The following ADCY10 variants were observed in gnomAD, a reference collection of about 807,000 sequenced individuals.
ADCY10 encodes the protein adenylate cyclase 10.
ADCY10 carries 156 observed loss-of-function variants against 183.3 expected under a neutral mutation model. The ratio of observed to expected loss-of-function variants is 0.85; its 90% CI spans 0.75 to 0.97. The LOEUF (loss-of-function observed/expected upper bound fraction) is 0.97. ADCY10 is among the 50% of genes least tolerant of loss of function. The probability of loss-of-function intolerance (pLI) is 0.00; values close to 1 mark genes in which losing one functional copy is unlikely to be tolerated. For synonymous variants in ADCY10, 645 were observed against 670.0 expected, an observed-to-expected ratio of 0.96 and a Z score of 0.58; for missense variants, 1,745 against 1,934.3, an observed-to-expected ratio of 0.90 and a Z score of 1.84.
chr1:167,907,302 G>A (rs1358401391), intron 1 of ADCY10, among the ~76,000 whole-genome samples: 2 of 152,198 alleles, frequency 1.3e-5, no homozygotes, highest in African/African-American at 4.8e-5. Context: ...TACAGGTTAT[G>A]TTTCATTATC....
chr1:167,841,502 C>CTTTTTTTTTTTTTTTTTTTTT (rs71100905), intron 21 of ADCY10, among the ~76,000 whole-genome samples: 1 of 90,902 alleles, frequency 1.1e-5, no homozygotes, highest in Non-Finnish European at 1.9e-5. Flanking sequence ...ATATGCTTTC[C>CTTTTTTTTTTTTTTTTTTTTT]TTTTTTTTTT....
chr1:167,856,325 A>G lies in ADCY10; in HGVS notation c.2011T>C (p.Ser671Pro). 1 of 1,614,150 alleles carries G rather than the reference A, an allele frequency of 6.2e-7. No homozygotes were observed. Among genetic ancestry groups the G allele is most frequent in the Non-Finnish European group, 8.5e-7 (1 of 1,180,030 alleles). ...GGAATGTTAACGAAGGGACACAGGG[A>G]CATAATGATGAAGATAGGAAGAGTC... ...IRTLPIFIIMSLCPFVNIPCA... is the reference protein window; with the variant it reads ...IRTLPIFIIMPLCPFVNIPCA... The change falls in exon 17 of 33, where the codon TCC becomes CCC. Residue 671 changes from serine (S) to proline (P), a missense_variant. Physicochemically the swap from Ser to Pro is moderately conservative, Grantham distance 74 (BLOSUM62 -1). Coordinates refer to ENST00000367851, the MANE Select transcript of ADCY10 (RefSeq NM_018417.6).
chr1:167,851,172 C>A (rs1665450751), intron 18 of ADCY10, among the ~76,000 whole-genome samples: 1 of 151,938 alleles, frequency 6.6e-6, no homozygotes, highest in African/African-American at 2.4e-5. Flanking sequence ...AATATTGACA[C>A]TCTTTTGTTT....
At chr1:167,878,733 A>T in intron 11 of ADCY10, 98 bp from the exon 12 acceptor site, 3 of 1,239,214 alleles carry the variant, frequency 2.4e-6, no homozygotes, top group Non-Finnish European at 3.5e-6. Flanking sequence ...TTTACCCTTT[A>T]CTCCCTTTGC....
intron 21 of ADCY10, among the ~76,000 whole-genome samples, chr1:167,839,175 C>T (rs899328959): frequency 2.0e-5 from 3 of 152,206 alleles, no homozygotes; most frequent in African/African-American, 4.8e-5. Flanking sequence ...CAGGAACTGC[C>T]GGTTTCCCAA....
chr1:167,907,561 T>C (rs1306510820), intron 1 of ADCY10, among the ~76,000 whole-genome samples: 3 of 152,190 alleles, frequency 2.0e-5, no homozygotes, highest in Non-Finnish European at 4.4e-5. Flanking sequence ...GCAAATTACA[T>C]GACCATGCCT....
intron 17 of ADCY10, 123 bp downstream of exon 17, chr1:167,856,042 A>C: frequency 8.9e-7 from 1 of 1,125,116 alleles, no homozygotes; most frequent in Non-Finnish European, 1.3e-6. Flanking sequence ...ATTTTTTAAA[A>C]GGTGGGGCCA....
chr1:167,834,178 C>T (rs1440542668), intron 23 of ADCY10, 101 bp from the exon 24 acceptor site: 3 of 860,594 alleles, frequency 3.5e-6, no homozygotes, highest in Non-Finnish European at 5.8e-6. Flanking sequence ...GATGCAGGAG[C>T]CATTTCAGTT....
intron 5 of ADCY10, among the ~76,000 whole-genome samples, chr1:167,901,207 T>C (rs2102416619): frequency 1.3e-5 from 2 of 152,348 alleles, no homozygotes; most frequent in Middle Eastern, 6.8e-3. Context: ...GCTGGAGCTG[T>C]GTTGCAGGCT....
Position 167,836,461 on chromosome 1 carries a change from T to C in ADCY10, c.3157A>G (p.Ile1053Val). ...TCACACTGGCAAGATTCCAGAGGGA[T>C]AATGTCTTCGTCAGATGTCTTCATT... Reference protein sequence around the residue: ...TKMKTSDEDIIPLESCQCEEI... With the variant: ...TKMKTSDEDIVPLESCQCEEI... Residue 1053 changes from isoleucine (I) to valine (V), a missense_variant, in exon 23 of 33, where the codon ATC (isoleucine) becomes GTC (valine). Coordinates refer to ENST00000367851, the MANE Select transcript of ADCY10 (RefSeq NM_018417.6). 1.2e-6 allele frequency: 2 copies of C among 1,614,196 alleles called. No homozygotes were observed. The highest frequency in any genetic ancestry group is 1.7e-6 in the Non-Finnish European group (2 of 1,179,990).
At chr1:167,839,435 T>A (rs922459692) in intron 21 of ADCY10, among the ~76,000 whole-genome samples, 2 of 152,228 alleles carry the variant, frequency 1.3e-5, no homozygotes, top group African/African-American at 4.8e-5. Flanking sequence ...ACCCTGATGA[T>A]CATGAAGCCT....
In ADCY10 at chr1:167,829,296, T is replaced by C; in HGVS notation, c.3721A>G (p.Thr1241Ala). The change falls in exon 26 of 33, where the codon ACT (threonine) becomes GCT (alanine). Residue 1241 changes from threonine (T) to alanine (A), a missense_variant. Thr to Ala is a moderately conservative substitution (Grantham distance 58, BLOSUM62 0). Transcript: ENST00000367851. ...AHLAVMMQMN[T>A]ALETQNCFQI... ...AAACAATTTTGAGTTTCCAGTGCAG[T>C]ATTCATTTGCATCATAACTGCCAGG... The C allele has an allele frequency of 6.2e-7, 1 of 1,614,116 alleles. No homozygotes were observed. The highest frequency in any genetic ancestry group is 8.5e-7 in the Non-Finnish European group (1 of 1,179,932).
rs377287799 is a variant in ADCY10 at position 167,904,464 on chromosome 1, C to G, written c.149-473G>C. On this transcript the variant is annotated intron_variant, in intron 2 of 32. Coordinates refer to ENST00000367851, the MANE Select transcript of ADCY10 (RefSeq NM_018417.6). ...TCAAGTGTCAGACATGCAGCCTCCTCTAGCTATTATTTTAGGGGTCAGGAA... is the reference window on the plus strand; with the variant it reads ...TCAAGTGTCAGACATGCAGCCTCCTGTAGCTATTATTTTAGGGGTCAGGAA... The G allele has an allele frequency of 5.9e-4, 124 of 211,116 alleles. 1 individual carries two copies. The South Asian group carries it at 9.4e-3, about 16-fold the overall frequency. The allele number at this position is 211,116 out of a possible 1,614,324, so 13.1% of individuals were successfully genotyped here.
Position 167,810,875 on chromosome 1 carries a change from A to G in ADCY10, c.4521T>C (p.Pro1507=). 3 of 1,614,218 alleles carry G rather than the reference A, an allele frequency of 1.9e-6. No individual in the cohort carries two copies. Among genetic ancestry groups the G allele is most frequent in the East Asian group, 2.2e-5 (1 of 44,892 alleles). Residue 1507 remains proline, a synonymous_variant, in exon 32 of 33, where the codon CCT becomes CCC. Coordinates refer to ENST00000367851, the MANE Select transcript of ADCY10 (RefSeq NM_018417.6). ...GGTGGTAGAGCCTTGGGCAAAAGAC[A>G]GGGCCAGTGGTATTTTGAGCCACCA... ...ENLVAQNTTG[P]VFCPRLYHLM...
At chr1:167,830,408 TG>T (rs905099803) in intron 25 of ADCY10, among the ~76,000 whole-genome samples, 9 of 152,108 alleles carry the variant, frequency 5.9e-5, no homozygotes, top group African/African-American at 1.9e-4. Context: ...GAGGATTTTT[TG>T]TTTTTTGAGC....
At chr1:167,833,929 G>T in intron 24 of ADCY10, 41 bp downstream of exon 24, 1 of 1,483,704 alleles carries the variant, frequency 6.7e-7, no homozygotes, top group Non-Finnish European at 9.4e-7. Context: ...AAAGGCCTAA[G>T]ATATATAACA....
chr1:167,906,535 C>A (rs1369996682), intron 1 of ADCY10, among the ~76,000 whole-genome samples: 1 of 151,586 alleles, frequency 6.6e-6, no homozygotes, highest in Non-Finnish European at 1.5e-5. Context: ...TGCCTATAAT[C>A]CCAGCACTTT....
At chr1:167,828,875 T>A (rs554822669) in intron 26 of ADCY10, among the ~76,000 whole-genome samples, 2 of 152,060 alleles carry the variant, frequency 1.3e-5, no homozygotes, top group South Asian at 2.1e-4. Context: ...GGCAAGAGAA[T>A]CTCTTGAACC....
intron 10 of ADCY10, 50 bp from the exon 11 acceptor site, chr1:167,880,241 C>G (rs764288065): frequency 2.7e-6 from 4 of 1,496,128 alleles, no homozygotes; most frequent in Non-Finnish European, 3.7e-6. Context: ...AGATAATGAG[C>G]GTAGAGAAAG....
Sources: gnomAD v4.1 joint callset for allele counts (sites outside exome capture counted in the v4.1 genomes callset) on GRCh38, gnomAD v4.1.1 for gene constraint, MANE v1.5 for transcripts, NCBI Gene and HGNC (gene_info 2026-07-23, HGNC 2026-07-21) for gene names.